CLDN10: variants seen among roughly 807,000 people sequenced by gnomAD.
The protein encoded by CLDN10 is claudin-10.
Under a neutral mutation model 22.9 loss-of-function variants are expected in CLDN10, and 15 were observed. The observed-to-expected ratio is 0.65, with a 90% CI of 0.44 to 1.01. CLDN10 has a LOEUF of 1.01. Among genes scored for constraint, CLDN10 ranks in the 50% least tolerant of loss-of-function variants. CLDN10 has a pLI of 0.00. For synonymous variants in CLDN10, 114 were observed against 111.4 expected (o/e 1.02, Z -0.15); for missense variants, 247 against 287.8 (o/e 0.86, Z 1.03).
intron 3 of CLDN10, among the ~76,000 whole-genome samples, chr13:95,562,125 C>A (rs2138662267): frequency 6.6e-6 from 1 of 151,666 alleles, no homozygotes; most frequent in South Asian, 2.1e-4. Flanking sequence ...AGGGACAGGG[C>A]TTCACCATTT....
chr13:95,482,204 C>T (rs1464560945), intron 1 of CLDN10, among the ~76,000 whole-genome samples: 1 of 152,018 alleles, frequency 6.6e-6, no homozygotes, highest in Non-Finnish European at 1.5e-5. Context: ...AATATATACA[C>T]CTACTATGTA....
intron 1 of CLDN10, among the ~76,000 whole-genome samples, chr13:95,483,828 C>A: frequency 6.6e-6 from 1 of 152,106 alleles, no homozygotes; most frequent in South Asian, 2.1e-4. Context: ...TATTTGTGTC[C>A]CTCCAAAACT....
intron 1 of CLDN10, among the ~76,000 whole-genome samples, chr13:95,454,016 G>A (rs141985195): frequency 9.9e-5 from 15 of 152,284 alleles, no homozygotes; most frequent in Admixed American, 8.5e-4. Flanking sequence ...GGTCCCAAGC[G>A]TGGTAACAAT....
intron 1 of CLDN10, among the ~76,000 whole-genome samples, chr13:95,499,638 C>T (rs998294155): frequency 2.0e-5 from 3 of 152,166 alleles, no homozygotes; most frequent in African/African-American, 7.2e-5. Flanking sequence ...GCGATCCAGA[C>T]CTGACCAGCC....
chr13:95,493,188 C>T (rs980408510), intron 1 of CLDN10, among the ~76,000 whole-genome samples: 51 of 152,082 alleles, frequency 3.4e-4, no homozygotes, highest in Non-Finnish European at 6.0e-4. Context: ...CCACCCCTGC[C>T]GCTACCGCCA....
intron 3 of CLDN10, among the ~76,000 whole-genome samples, 179 bp from the exon 4 acceptor site, chr13:95,577,052 T>A (rs1207060786): frequency 6.6e-6 from 1 of 152,222 alleles, no homozygotes; most frequent in Non-Finnish European, 1.5e-5. Context: ...CTAATGGCTA[T>A]AAAAACACTT....
chr13:95,463,304 A>G (rs1202864393), intron 1 of CLDN10, among the ~76,000 whole-genome samples: 1 of 101,972 alleles, frequency 9.8e-6, no homozygotes, highest in African/African-American at 4.1e-5. Context: ...ATATATATAT[A>G]TATATATATA....
At chr13:95,448,563 G>T (rs1359636297) in intron 1 of CLDN10, among the ~76,000 whole-genome samples, 2 of 152,078 alleles carry the variant, frequency 1.3e-5, no homozygotes, top group African/African-American at 4.8e-5. Context: ...GCTGGGGATG[G>T]CTGCTTACCC....
intron 1 of CLDN10, among the ~76,000 whole-genome samples, chr13:95,473,118 T>A (rs1594543011): frequency 2.4e-5 from 3 of 125,670 alleles, no homozygotes; most frequent in Admixed American, 2.0e-4. Flanking sequence ...TCAAGCTGGG[T>A]GACAGAGTGA....
chr13:95,552,700 G>A (rs1010040452), upstream of CLDN10: 16 of 1,543,046 alleles, frequency 1.0e-5, 1 homozygote, highest in Admixed American at 2.1e-4. Flanking sequence ...TGGGAGTGCG[G>A]GGGTCGCGGC....
intron 1 of CLDN10, among the ~76,000 whole-genome samples, chr13:95,485,970 A>G (rs921646491): frequency 5.9e-5 from 9 of 152,220 alleles, no homozygotes; most frequent in African/African-American, 2.2e-4. Flanking sequence ...CTCTTAGGAC[A>G]AGATGTCCTC....
chr13:95,517,171 G>GT (rs2043177892), intron 1 of CLDN10, among the ~76,000 whole-genome samples: 1 of 142,870 alleles, frequency 7.0e-6, no homozygotes, highest in Non-Finnish European at 1.5e-5. Flanking sequence ...ATCTCTTTCT[G>GT]TTTTTTCATT....
At chr13:95,518,139 A>G (rs1315626877) in intron 1 of CLDN10, among the ~76,000 whole-genome samples, 1 of 152,180 alleles carries the variant, frequency 6.6e-6, no homozygotes, top group African/African-American at 2.4e-5. Flanking sequence ...AAATGGTGAT[A>G]ATTACATTAC....
At chr13:95,564,941 A>G (rs2043763547) in intron 3 of CLDN10, among the ~76,000 whole-genome samples, 1 of 152,104 alleles carries the variant, frequency 6.6e-6, no homozygotes, top group African/African-American at 2.4e-5. Flanking sequence ...ATCTGTAAAG[A>G]GTTTCATCGT....
At chr13:95,565,571 A>C (rs1344741375) in intron 3 of CLDN10, among the ~76,000 whole-genome samples, 5 of 152,208 alleles carry the variant, frequency 3.3e-5, no homozygotes, top group African/African-American at 1.2e-4. Context: ...TTTATATAAT[A>C]AAATATTTTC....
chr13:95,492,611 G>A (rs1451857717), intron 1 of CLDN10, among the ~76,000 whole-genome samples: 1 of 152,144 alleles, frequency 6.6e-6, no homozygotes, highest in African/African-American at 2.4e-5. Context: ...TGGAAGAAAA[G>A]GGCTTCAGTT....
chr13:95,522,794 C>A (rs1594585261), intron 1 of CLDN10, among the ~76,000 whole-genome samples: 1 of 151,900 alleles, frequency 6.6e-6, no homozygotes, highest in Admixed American at 6.6e-5. Flanking sequence ...TTTTTTACAT[C>A]ATTAAAAGTG....
intron 3 of CLDN10, among the ~76,000 whole-genome samples, chr13:95,561,545 G>A (rs548763077): frequency 6.6e-6 from 1 of 152,188 alleles, no homozygotes; most frequent in Non-Finnish European, 1.5e-5. Flanking sequence ...TATAAAGTAG[G>A]TCCTCTTGGT....
At chr13:95,454,453 G>T (rs2042463090) in intron 1 of CLDN10, among the ~76,000 whole-genome samples, 2 of 151,966 alleles carry the variant, frequency 1.3e-5, no homozygotes, top group African/African-American at 4.8e-5. Context: ...AGAGAGAGAG[G>T]AAGGAAGGGA....
Sources: gnomAD v4.1 joint callset for allele counts (sites outside exome capture counted in the v4.1 genomes callset) on GRCh38, gnomAD v4.1.1 for gene constraint, MANE v1.5 for transcripts, NCBI Gene and HGNC (gene_info 2026-07-23, HGNC 2026-07-21) for gene names.